The following ZFAND4 variants were observed in gnomAD, a reference collection of about 807,000 sequenced individuals.
ZFAND4 encodes zinc finger AN1-type containing 4.
Under a neutral mutation model 64.4 loss-of-function variants are expected in ZFAND4, and 43 were observed. The ratio of observed to expected loss-of-function variants is 0.67; its 90% confidence interval spans 0.52 to 0.86. The LOEUF (loss-of-function observed/expected upper bound fraction) is 0.86, where lower values mean the gene tolerates loss of function less well. Among genes scored for constraint, ZFAND4 ranks in the 40% least tolerant of loss-of-function variants. ZFAND4 has a pLI of 0.00. For missense variants in ZFAND4, 929 were observed against 859.8 expected, an observed-to-expected ratio of 1.08 and a Z score of -1.01; for synonymous variants, 296 against 305.7, an observed-to-expected ratio of 0.97 and a Z score of 0.33.
At chr10:45,654,369 C>T (rs991086388) in intron 2 of ZFAND4, among the ~76,000 whole-genome samples, 3 of 152,114 alleles carry the variant, frequency 2.0e-5, no homozygotes, top group East Asian at 3.9e-4. Context: ...GCCTGTAATT[C>T]CAGCACTTTA....
At chr10:45,652,229 A>G (rs1300115778) in intron 3 of ZFAND4, among the ~76,000 whole-genome samples, 196 bp from the exon 4 acceptor site, 1 of 152,192 alleles carries the variant, frequency 6.6e-6, no homozygotes, top group East Asian at 1.9e-4. Flanking sequence ...AATTCTCATA[A>G]GCCATAAAGA....
At position 45,626,965 on chromosome 10, in the gene ZFAND4, T is replaced by C. The variant is rs139252167; in HGVS notation, c.858A>G (p.Ala286=). 8 of 1,614,066 alleles carry C rather than the reference T, an allele frequency of 5.0e-6. No homozygotes were observed. The African/African-American group carries it at 5.3e-5, about 11-fold the overall frequency. Residue 286 remains alanine, a synonymous_variant, in exon 7 of 10, where the codon GCA becomes GCG. Coordinates refer to ENST00000344646, the MANE Select transcript of ZFAND4 (RefSeq NM_174890.4). The part of the protein sequence containing the change: ...GQSCSPAFGN[A]YPPEISRNGI... Reference sequence around the variant, plus strand: ...CATTCCTGGAGATTTCGGGCGGATATGCATTCCCAAAAGCAGGTGAACAAG... The same window carrying C: ...CATTCCTGGAGATTTCGGGCGGATACGCATTCCCAAAAGCAGGTGAACAAG...
At chr10:45,645,161 T>G (rs2047293407) in intron 5 of ZFAND4, among the ~76,000 whole-genome samples, 1 of 152,074 alleles carries the variant, frequency 6.6e-6, no homozygotes, top group Non-Finnish European at 1.5e-5. Context: ...TTTTTCCAGA[T>G]GGAGTTTCAC....
At chr10:45,638,385 T>A (rs2046763880) in intron 6 of ZFAND4, among the ~76,000 whole-genome samples, 1 of 149,190 alleles carries the variant, frequency 6.7e-6, no homozygotes, top group Non-Finnish European at 1.5e-5. Flanking sequence ...TCTCAGCTAC[T>A]CAGGAGGCTG....
intron 5 of ZFAND4, among the ~76,000 whole-genome samples, chr10:45,643,377 T>TA (rs1026712210): frequency 2.0e-5 from 3 of 150,260 alleles, no homozygotes; most frequent in Admixed American, 1.3e-4. Flanking sequence ...TCTTTCTGCT[T>TA]AAAAAATCCC....
At chr10:45,658,123 T>C (rs2048251997) in intron 2 of ZFAND4, among the ~76,000 whole-genome samples, 1 of 152,204 alleles carries the variant, frequency 6.6e-6, no homozygotes, top group Admixed American at 6.5e-5. Flanking sequence ...TACCTCAGAA[T>C]GTGACCTTAA....
rs2044893718 is a variant in ZFAND4, at chr10:45,615,525, A to T, written c.*911T>A. On this transcript the variant is annotated 3_prime_UTR_variant, in exon 10 of 10. Coordinates refer to ENST00000344646, the MANE Select transcript of ZFAND4 (RefSeq NM_174890.4). ...TCCACGTAAAATAAATCACTCATTTAATTAAATAGTTTTATAAAAGAAAAA... is the reference window on the plus strand; with the variant it reads ...TCCACGTAAAATAAATCACTCATTTTATTAAATAGTTTTATAAAAGAAAAA... The T allele has an allele frequency of 6.6e-6, 1 of 152,100 alleles. No individual in the cohort carries two copies. The highest frequency in any genetic ancestry group is 1.5e-5 in the Non-Finnish European group (1 of 68,030). 9.4% of individuals were successfully genotyped at this position (152,100 alleles called of 1,614,324 possible).
At chr10:45,637,663 T>C (rs551044263) in intron 6 of ZFAND4, among the ~76,000 whole-genome samples, 8 of 152,130 alleles carry the variant, frequency 5.3e-5, no homozygotes, top group Middle Eastern at 3.4e-3. Flanking sequence ...GGCAGAAGAA[T>C]TGCTTGAACC....
chr10:45,644,316 T>C (rs1589356922), intron 5 of ZFAND4, among the ~76,000 whole-genome samples: 1 of 152,230 alleles, frequency 6.6e-6, no homozygotes, highest in Non-Finnish European at 1.5e-5. Flanking sequence ...ATGCTTATAA[T>C]GCAGTGACAC....
At position 45,624,702 on chromosome 10, in the gene ZFAND4, A is replaced by G. The variant is rs147418713; in HGVS notation, c.1873-65T>C. The stretch of plus-strand genomic sequence containing the variant: ...TGAAGAATAGAAATGATCAACAAAC[A>G]TGAAATACTTGTATTTTATCACTAA... On this transcript the variant is annotated intron_variant, in intron 7 of 9. Transcript: ENST00000344646. The G allele has an allele frequency of 1.7e-4, 221 of 1,311,006 alleles. 1 individual carries two copies. The highest frequency in any genetic ancestry group is 1.1e-3 in the Middle Eastern group (6 of 5,434). 81.2% of individuals were successfully genotyped at this position (1,311,006 alleles called of 1,614,324 possible).
chr10:45,646,456 T>C (rs539229201), intron 5 of ZFAND4, among the ~76,000 whole-genome samples: 94 of 152,310 alleles, frequency 6.2e-4, no homozygotes, highest in African/African-American at 2.0e-3. Flanking sequence ...CCTTGTCCAA[T>C]TATTGTAGAT....
At chr10:45,666,815 T>G (rs1326769349) in intron 1 of ZFAND4, among the ~76,000 whole-genome samples, 1 of 152,190 alleles carries the variant, frequency 6.6e-6, no homozygotes, top group Non-Finnish European at 1.5e-5. Flanking sequence ...AAAAACCAAT[T>G]TACTGTAAAT....
At chr10:45,624,112 C>A (rs983899203) in intron 8 of ZFAND4, among the ~76,000 whole-genome samples, 15 of 152,294 alleles carry the variant, frequency 9.8e-5, no homozygotes, top group Non-Finnish European at 1.6e-4. Flanking sequence ...ATGGTCACTT[C>A]CACTAATAGG....
chr10:45,638,310 C>T (rs904405723), intron 6 of ZFAND4, among the ~76,000 whole-genome samples: 37 of 148,396 alleles, frequency 2.5e-4, no homozygotes, highest in Middle Eastern at 3.4e-3. Context: ...GGTGAAACCC[C>T]GTCTCTACTA....
At chr10:45,672,104 C>G (rs1284738722) in intron 1 of ZFAND4, 146 bp downstream of exon 1, 1 of 152,238 alleles carries the variant, frequency 6.6e-6, no homozygotes, top group East Asian at 1.9e-4. Flanking sequence ...TACATCAAAA[C>G]ATCCCTAAAG....
chr10:45,624,102 A>T (rs2045625116), intron 8 of ZFAND4, among the ~76,000 whole-genome samples: 1 of 152,156 alleles, frequency 6.6e-6, no homozygotes, highest in Non-Finnish European at 1.5e-5. Flanking sequence ...TGCTAATGTC[A>T]TGGTCACTTC....
At chr10:45,657,980 T>A (rs1489191308) in intron 2 of ZFAND4, among the ~76,000 whole-genome samples, 1 of 152,176 alleles carries the variant, frequency 6.6e-6, no homozygotes, top group Non-Finnish European at 1.5e-5. Flanking sequence ...TGATAGGTGA[T>A]GGAACTGTTC....
At chr10:45,654,380 G>A (rs1564619097) in intron 2 of ZFAND4, among the ~76,000 whole-genome samples, 1 of 152,202 alleles carries the variant, frequency 6.6e-6, no homozygotes. Context: ...CAGCACTTTA[G>A]GAGGCCGAGG....
rs547461212 is a variant in ZFAND4 at position 45,654,435 on chromosome 10, A to G, written c.185-1376T>C. Among the ~76,000 whole-genome samples, 6 of 152,284 alleles carry G rather than the reference A, an allele frequency of 3.9e-5. No homozygotes were observed. The South Asian group carries it at 1.2e-3, about 32-fold the overall frequency. On this transcript the variant is annotated intron_variant, in intron 2 of 9. Transcript: ENST00000344646. ...AGAGATCGAGACCATCCTGGCCAAC[A>G]TGGTGAAACCCCGTCTCTACTAAAA...
Sources: gnomAD v4.1 joint callset for allele counts (sites outside exome capture counted in the v4.1 genomes callset) on GRCh38, gnomAD v4.1.1 for gene constraint, MANE v1.5 for transcripts, NCBI Gene and HGNC (gene_info 2026-07-23, HGNC 2026-07-21) for gene names.